CEP15: variants seen among roughly 807,000 people sequenced by gnomAD.
CEP15 encodes the protein centrosomal protein 15.
the CEP15 span, chr3:62,324,096 G>A: frequency 6.6e-6 from 1 of 152,066 alleles, no homozygotes; most frequent in Non-Finnish European, 1.5e-5. Context: ...TAAAATAAAT[G>A]AGACTTAGCC....
At chr3:62,321,819 G>C in the CEP15 span, 11 of 763,680 alleles carry the variant, frequency 1.4e-5, no homozygotes, top group Admixed American at 3.8e-4. The surrounding 1 kb of genome is among the most constrained non-coding windows in gnomAD (Gnocchi z 4.1). Context: ...TTTCAGAATA[G>C]GTTAGAGTTG....
At chr3:62,320,490 C>G in the CEP15 span, 1 of 1,611,976 alleles carries the variant, frequency 6.2e-7, no homozygotes, top group African/African-American at 1.3e-5. Flanking sequence ...CTTGTTTGCT[C>G]AAGAAATTCG....
the CEP15 span, chr3:62,320,520 G>A: frequency 7.5e-6 from 12 of 1,610,004 alleles, no homozygotes; most frequent in Non-Finnish European, 1.0e-5. Flanking sequence ...AAGACATGAA[G>A]AAATGTAAGT....
At chr3:62,329,371 C>T in the CEP15 span, among the ~76,000 whole-genome samples, 1 of 152,134 alleles carries the variant, frequency 6.6e-6, no homozygotes, top group African/African-American at 2.4e-5. Flanking sequence ...CATGCCTCTA[C>T]AGTAAAAGTT....
At chr3:62,332,551 A>G in the CEP15 span, among the ~76,000 whole-genome samples, 1 of 152,082 alleles carries the variant, frequency 6.6e-6, no homozygotes, top group African/African-American at 2.4e-5. Context: ...CAAGAAACCA[A>G]AGCTAGACAC....
At chr3:62,326,285 C>T in the CEP15 span, among the ~76,000 whole-genome samples, 87 of 152,238 alleles carry the variant, frequency 5.7e-4, no homozygotes, top group African/African-American at 1.8e-3. Context: ...TTCTCACCTC[C>T]GGTTCCTTGA....
chr3:62,322,145 G>C, the CEP15 span: 6 of 1,318,520 alleles, frequency 4.6e-6, no homozygotes, highest in Non-Finnish European at 6.3e-6. This position sits in a 1 kb window ranked among gnomAD's most constrained non-coding sequence, Gnocchi z 5.5. Flanking sequence ...ATAACTTATT[G>C]GTTCTCAGTA....
the CEP15 span, chr3:62,319,513 C>T: frequency 1.3e-5 from 2 of 152,204 alleles, no homozygotes; most frequent in East Asian, 1.9e-4. Flanking sequence ...GAGGAGGAAA[C>T]CTAATGAGGG....
At chr3:62,329,783 C>T in the CEP15 span, among the ~76,000 whole-genome samples, 293 of 152,208 alleles carry the variant, frequency 1.9e-3, no homozygotes, top group Non-Finnish European at 2.7e-3. Context: ...TGCTAAGTGG[C>T]GCCAAGATCT....
chr3:62,325,054 T>C, the CEP15 span, among the ~76,000 whole-genome samples: 1 of 152,162 alleles, frequency 6.6e-6, no homozygotes, highest in South Asian at 2.1e-4. Context: ...CTGGAAAATA[T>C]AAGAAATGAA....
chr3:62,322,315 G>A, the CEP15 span: 3 of 298,926 alleles, frequency 1.0e-5, no homozygotes, highest in Non-Finnish European at 1.2e-5. This position sits in a 1 kb window ranked among gnomAD's most constrained non-coding sequence, Gnocchi z 5.5. Flanking sequence ...GGAATTGTAA[G>A]GTCACCCTTT....
At chr3:62,331,485 A>G in the CEP15 span, 1 of 1,114,078 alleles carries the variant, frequency 9.0e-7, no homozygotes, top group Admixed American at 1.9e-5. Flanking sequence ...GGTTATGTGT[A>G]TTTTCCAGAT....
the CEP15 span, among the ~76,000 whole-genome samples, chr3:62,323,062 A>G: frequency 0.023 from 3,567 of 152,308 alleles, 66 homozygotes; most frequent in Middle Eastern, 0.051. Flanking sequence ...TAGAAGGCTT[A>G]ATTGCTACCT....
chr3:62,320,622 G>A, the CEP15 span: 9 of 857,618 alleles, frequency 1.0e-5, no homozygotes, highest in Non-Finnish European at 1.6e-5. Flanking sequence ...TTGCAAGCAT[G>A]TCATTTTAAT....
chr3:62,320,929 A>G, the CEP15 span, among the ~76,000 whole-genome samples: 1 of 152,258 alleles, frequency 6.6e-6, no homozygotes, highest in South Asian at 2.1e-4. Flanking sequence ...CAAATTGTGT[A>G]GCCAGTCCTG....
chr3:62,336,022 G>C, the CEP15 span: 1 of 152,206 alleles, frequency 6.6e-6, no homozygotes, highest in East Asian at 1.9e-4. The surrounding 1 kb of genome is among the most constrained non-coding windows in gnomAD (Gnocchi z 4.4). Context: ...TGAAAGTGAA[G>C]TCAAACGGAC....
the CEP15 span, among the ~76,000 whole-genome samples, chr3:62,329,273 C>T: frequency 5.3e-5 from 8 of 152,052 alleles, no homozygotes; most frequent in Admixed American, 2.0e-4. Context: ...AGAGAATTCC[C>T]ACTATTGTTC....
chr3:62,320,580 G>T, the CEP15 span: 1 of 1,376,444 alleles, frequency 7.3e-7, no homozygotes, highest in South Asian at 1.2e-5. Flanking sequence ...CTTTGTTAGT[G>T]AAATATTGTA....
chr3:62,331,587 A>G, the CEP15 span, among the ~76,000 whole-genome samples: 1 of 152,162 alleles, frequency 6.6e-6, no homozygotes, highest in Non-Finnish European at 1.5e-5. Flanking sequence ...ACTGAGAAGT[A>G]TCTTGATTTT....
Sources: gnomAD v4.1 joint callset for allele counts (sites outside exome capture counted in the v4.1 genomes callset) on GRCh38, gnomAD v4.1.1 for gene constraint, Gnocchi (gnomAD v3.1) non-coding constraint, MANE v1.5 for transcripts, NCBI Gene and HGNC (gene_info 2026-07-23, HGNC 2026-07-21) for gene names.